FRRS1L: variants seen among roughly 807,000 people sequenced by gnomAD.
The protein encoded by FRRS1L is DOMON domain-containing protein FRRS1L.
In FRRS1L, 22 loss-of-function variants were observed where a neutral mutation model predicts 28.6. The observed-to-expected ratio is 0.77, with a 90% confidence interval of 0.55 to 1.10. FRRS1L has a LOEUF of 1.10. FRRS1L is among the 50% of genes least tolerant of loss of function. FRRS1L has a pLI of 0.00. For synonymous variants in FRRS1L, 158 were observed against 151.4 expected (o/e 1.04, Z -0.32); for missense variants, 380 against 386.9 (o/e 0.98, Z 0.15).
rs145156906 is a variant in FRRS1L at position 109,147,162 on chromosome 9, C to T, written c.351G>A (p.Glu117=). The T allele has an allele frequency of 3.1e-6, 5 of 1,613,702 alleles. No homozygotes were observed. Among genetic ancestry groups the T allele is most frequent in the Admixed American group, 3.3e-5 (2 of 60,018 alleles). The part of the protein sequence containing the change: ...FRYGKPGCNA[E]TCDYFLSYRM... ...GGTAGCTGAGGAAATAGTCACAGGT[C>T]TCTGCATTACAGCCTGGTTTGCCAT... Residue 117 remains glutamate, a synonymous_variant, in exon 3 of 5, where the codon GAG becomes GAA. Transcript: ENST00000561981.
chr9:109,138,750 C>A (rs1293242014), intron 4 of FRRS1L: 4 of 152,312 alleles, frequency 2.6e-5, no homozygotes, highest in African/African-American at 9.7e-5. Context: ...AACCTCAGCT[C>A]ACTGGTCACC....
At chr9:109,147,373 C>A (rs188250275) in intron 2 of FRRS1L, 184 bp from the exon 3 acceptor site, 114 of 574,810 alleles carry the variant, frequency 2.0e-4, no homozygotes, top group Non-Finnish European at 5.5e-5. Context: ...ATCTGCCCCA[C>A]TTTGTACACA....
At position 109,133,973 on chromosome 9, in the gene FRRS1L, G is replaced by C. The variant is rs985228776; in HGVS notation, c.*3482C>G. 1.3e-5 allele frequency: 2 copies of C among 152,188 alleles called. No individual in the cohort carries two copies. The highest frequency in any genetic ancestry group is 4.8e-5 in the African/African-American group (2 of 41,454). The allele number at this position is 152,188 out of a possible 1,614,324, so 9.4% of individuals were successfully genotyped here. A position where few individuals can be genotyped will look rare whatever the true frequency, so the allele number is the denominator to read the frequency against. On this transcript the variant is annotated 3_prime_UTR_variant, in exon 5 of 5. Transcript: ENST00000561981. ...TGAGATAATGGTCAAAGGCCATTCT[G>C]TATCACTGGTGTGAATTCTTATTTC...
intron 1 of FRRS1L, among the ~76,000 whole-genome samples, chr9:109,165,301 C>T (rs1588105913): frequency 3.3e-5 from 5 of 152,320 alleles, no homozygotes; most frequent in Admixed American, 2.6e-4. Context: ...ATGTGGGCAG[C>T]CAGCCTAAAA....
intron 1 of FRRS1L, among the ~76,000 whole-genome samples, chr9:109,159,598 T>C (rs780986300): frequency 1.1e-4 from 17 of 152,200 alleles, no homozygotes; most frequent in Non-Finnish European, 1.9e-4. Flanking sequence ...CTGGGAAGTG[T>C]AGTGAGCCAA....
chr9:109,148,200 C>G (rs1026325709), intron 2 of FRRS1L: 1 of 152,056 alleles, frequency 6.6e-6, no homozygotes, highest in African/African-American at 2.4e-5. Context: ...AACTCCTGAC[C>G]TCAGGTGATC....
chr9:109,166,869 T>C (rs1280485806), intron 1 of FRRS1L, 32 bp downstream of exon 1: 8 of 193,072 alleles, frequency 4.1e-5, no homozygotes, highest in Non-Finnish European at 6.0e-5. Context: ...CGGTCTCCCC[T>C]CCCGCAACCC....
rs1167775054 is a variant in FRRS1L, at chr9:109,132,040, C to G, written c.*5415G>C. ...CCAGGCTGGAGTGCAGAGGGGCAATCTCGGCTCATTGAAAGCTCCACCTCC... is the reference window on the plus strand; with the variant it reads ...CCAGGCTGGAGTGCAGAGGGGCAATGTCGGCTCATTGAAAGCTCCACCTCC... On this transcript the variant is annotated 3_prime_UTR_variant, in exon 5 of 5. Transcript: ENST00000561981. 6.6e-6 allele frequency: 1 copy of G among 151,108 alleles called. No homozygotes were observed. Among genetic ancestry groups the G allele is most frequent in the African/African-American group, 2.4e-5 (1 of 41,304 alleles). 9.4% of individuals were successfully genotyped at this position (151,108 alleles called of 1,614,324 possible). A position where few individuals can be genotyped will look rare whatever the true frequency, so the allele number is the denominator to read the frequency against.
chr9:109,147,869 T>C (rs1291865375), intron 2 of FRRS1L: 1 of 152,222 alleles, frequency 6.6e-6, no homozygotes, highest in Non-Finnish European at 1.5e-5. Flanking sequence ...CTTTTATCTG[T>C]TTGAACTGCT....
At chr9:109,146,304 G>A (rs560415142) in intron 3 of FRRS1L, among the ~76,000 whole-genome samples, 1 of 152,364 alleles carries the variant, frequency 6.6e-6, no homozygotes, top group East Asian at 1.9e-4. Flanking sequence ...GAACAGAAGA[G>A]GGTGGTGGCA....
At chr9:109,162,810 T>A (rs567432332) in intron 1 of FRRS1L, among the ~76,000 whole-genome samples, 11 of 152,324 alleles carry the variant, frequency 7.2e-5, no homozygotes, top group Admixed American at 1.3e-4. Flanking sequence ...CTTCTGCCCT[T>A]TGCCCCATGT....
intron 3 of FRRS1L, among the ~76,000 whole-genome samples, chr9:109,141,971 A>G (rs1354847015): frequency 6.6e-6 from 1 of 151,658 alleles, no homozygotes; most frequent in East Asian, 1.9e-4. Flanking sequence ...AAAAAAAAAA[A>G]GGCTAAGAAA....
intron 3 of FRRS1L, among the ~76,000 whole-genome samples, chr9:109,144,697 T>G (rs1384455035): frequency 2.8e-5 from 4 of 140,860 alleles, no homozygotes; most frequent in Non-Finnish European, 4.8e-5. Flanking sequence ...TTTTTCTTTT[T>G]TTTGAGACGG....
chr9:109,160,260 C>T (rs1420336830), intron 1 of FRRS1L, among the ~76,000 whole-genome samples: 1 of 152,130 alleles, frequency 6.6e-6, no homozygotes, highest in Non-Finnish European at 1.5e-5. Context: ...AGATGAGTTC[C>T]TCCGCCTCCC....
At chr9:109,145,069 G>A (rs1275488863) in intron 3 of FRRS1L, among the ~76,000 whole-genome samples, 2 of 152,220 alleles carry the variant, frequency 1.3e-5, no homozygotes, top group African/African-American at 4.8e-5. Context: ...GCCAGGTGAA[G>A]AGAAGGGCGG....
Position 109,167,047 on chromosome 9 carries a change from G to A in FRRS1L, c.92C>T (p.Ala31Val). Reference protein sequence around the residue: ...TGPAACAASPADDGAGPGGRG... With the variant: ...TGPAACAASPVDDGAGPGGRG... ...GCCCCCCGGGCCCGCACCGTCGTCC[G>A]CGGGGCTGGCTGCGCAGGCGGCGGG... The change falls in exon 1 of 5, where the codon GCG becomes GTG. Residue 31 changes from alanine (A) to valine (V), a missense_variant. Physicochemically the swap from Ala to Val is moderately conservative, Grantham distance 64. Transcript: ENST00000561981. 8.4e-7 allele frequency: 1 copy of A among 1,191,292 alleles called. No homozygotes were observed. 73.8% of individuals were successfully genotyped at this position (1,191,292 alleles called of 1,614,324 possible). A position where few individuals can be genotyped will look rare whatever the true frequency, so the allele number is the denominator to read the frequency against.
intron 1 of FRRS1L, among the ~76,000 whole-genome samples, chr9:109,155,299 T>C (rs1029348480): frequency 4.6e-5 from 7 of 152,244 alleles, no homozygotes; most frequent in African/African-American, 1.7e-4. Flanking sequence ...CTGTTTATTA[T>C]TTCCCTTTGG....
chr9:109,136,313 A>T lies in FRRS1L; in HGVS notation c.*1142T>A, dbSNP rs1831110385. 6.6e-6 allele frequency: 1 copy of T among 151,934 alleles called. No homozygotes were observed. Among genetic ancestry groups the T allele is most frequent in the Non-Finnish European group, 1.5e-5 (1 of 68,006 alleles). The allele number at this position is 151,934 out of a possible 1,614,324, so 9.4% of individuals were successfully genotyped here. On this transcript the variant is annotated 3_prime_UTR_variant, in exon 5 of 5. Transcript: ENST00000561981. ...AGAGAATTCACTGTAACCACAGATG[A>T]ATACCTTAGTTTTATAAAATTCAGT...
At chr9:109,140,236 G>A (rs548180584) in intron 4 of FRRS1L, 3 of 152,474 alleles carry the variant, frequency 2.0e-5, no homozygotes, top group African/African-American at 7.2e-5. Context: ...TGGATCGGTT[G>A]AGCCCAGGAG....
Sources: allele counts gnomAD v4.1 joint callset (sites outside exome capture counted in the v4.1 genomes callset), GRCh38; gene constraint gnomAD v4.1.1; transcripts MANE v1.5; gene names NCBI Gene and HGNC (gene_info 2026-07-23, HGNC 2026-07-21).